CCSER1: variants seen among roughly 807,000 people sequenced by gnomAD.
CCSER1 encodes serine-rich coiled-coil domain-containing protein 1.
Under a neutral mutation model 82.0 loss-of-function variants are expected in CCSER1, and 41 were observed. The ratio of observed to expected loss-of-function variants is 0.50; its 90% confidence interval spans 0.39 to 0.65. The LOEUF (loss-of-function observed/expected upper bound fraction) is 0.65. CCSER1 is among the 30% of genes least tolerant of loss of function. The pLI is 0.00. For synonymous variants in CCSER1, 414 were observed against 383.9 expected (o/e 1.08, Z -0.92); for missense variants, 1,119 against 1,064.2 (o/e 1.05, Z -0.72).
chr4:90,771,917 A>G (rs1752239992), intron 7 of CCSER1, among the ~76,000 whole-genome samples: 1 of 152,160 alleles, frequency 6.6e-6, no homozygotes, highest in Non-Finnish European at 1.5e-5. Flanking sequence ...GCTAAAACAT[A>G]TAGCCAGTAT....
intron 5 of CCSER1, among the ~76,000 whole-genome samples, chr4:90,492,351 A>T (rs1349579638): frequency 6.6e-6 from 1 of 152,046 alleles, no homozygotes; most frequent in Non-Finnish European, 1.5e-5. Flanking sequence ...TATCTGTGGG[A>T]TTGGTGGTTA....
At chr4:91,087,248 G>A (rs1039211423) in intron 10 of CCSER1, among the ~76,000 whole-genome samples, 25 of 152,096 alleles carry the variant, frequency 1.6e-4, no homozygotes, top group African/African-American at 5.5e-4. Flanking sequence ...GGAGTTACTC[G>A]GCTTCTCCTT....
intron 5 of CCSER1, among the ~76,000 whole-genome samples, chr4:90,493,275 A>T (rs1768380782): frequency 6.6e-6 from 1 of 152,170 alleles, no homozygotes; most frequent in Non-Finnish European, 1.5e-5. Context: ...GAAAAGACCA[A>T]ATCTACATCT....
intron 4 of CCSER1, among the ~76,000 whole-genome samples, chr4:90,408,668 C>G (rs1265108063): frequency 6.6e-6 from 1 of 152,116 alleles, no homozygotes; most frequent in East Asian, 1.9e-4. Context: ...GTAGATAAAA[C>G]CACAAAGATA....
chr4:90,580,451 CTGCTGCTT>C (rs1781303867), intron 5 of CCSER1, among the ~76,000 whole-genome samples: 1 of 152,278 alleles, frequency 6.6e-6, no homozygotes, highest in African/African-American at 2.4e-5. Flanking sequence ...CTCAGCTACT[CTGCTGCTT>C]TGAACTCCCC....
At chr4:91,022,336 C>T (rs1404945849) in intron 9 of CCSER1, among the ~76,000 whole-genome samples, 1 of 152,020 alleles carries the variant, frequency 6.6e-6, no homozygotes, top group Non-Finnish European at 1.5e-5. Context: ...ATGAACTCAT[C>T]ATTTTTTATG....
At chr4:90,141,996 C>G (rs533368281) in intron 1 of CCSER1, among the ~76,000 whole-genome samples, 1 of 152,124 alleles carries the variant, frequency 6.6e-6, no homozygotes, top group Non-Finnish European at 1.5e-5. Context: ...TGGACTGTCA[C>G]GTTTTATTGA....
intron 1 of CCSER1, among the ~76,000 whole-genome samples, chr4:90,232,578 C>A (rs1178903715): frequency 1.4e-5 from 2 of 146,360 alleles, no homozygotes; most frequent in Admixed American, 6.8e-5. Context: ...GACTTCATGT[C>A]TAAAACACCA....
intron 10 of CCSER1, among the ~76,000 whole-genome samples, chr4:91,509,407 A>G (rs1375757641): frequency 1.3e-5 from 2 of 152,012 alleles, no homozygotes; most frequent in Admixed American, 6.6e-5. Context: ...TTCTCTTATT[A>G]CATTCTAATT....
intron 1 of CCSER1, among the ~76,000 whole-genome samples, chr4:90,288,236 C>T (rs1730262852): frequency 6.6e-6 from 1 of 151,896 alleles, no homozygotes; most frequent in Non-Finnish European, 1.5e-5. Flanking sequence ...AAGTTCCTGA[C>T]ACTTCATCTC....
At position 90,861,321 on chromosome 4, in the gene CCSER1, C is replaced by T. The variant is rs78572422; in HGVS notation, c.2094+45476C>T. Among the ~76,000 whole-genome samples the T allele has an allele frequency of 9.9e-3, 1,505 of 151,734 alleles. 29 individuals are homozygous for T. Among genetic ancestry groups the T allele is most frequent in the African/African-American group, 0.035 (1,439 of 41,472 alleles). On this transcript the variant is annotated intron_variant, in intron 8 of 10. Transcript: ENST00000509176. ...AGATGTAATGTGTATTTAAATTAGT[C>T]CCTGCAGGGTTTGTAGCTTATGATT... is the stretch of plus-strand genomic sequence containing the variant.
At chr4:90,538,668 G>A (rs535571880) in intron 5 of CCSER1, among the ~76,000 whole-genome samples, 1 of 151,814 alleles carries the variant, frequency 6.6e-6, no homozygotes, top group East Asian at 1.9e-4. Context: ...TAATATTCTA[G>A]CATGTTTATA....
At chr4:90,375,442 TG>T (rs1748152488) in intron 3 of CCSER1, among the ~76,000 whole-genome samples, 2 of 152,228 alleles carry the variant, frequency 1.3e-5, no homozygotes, top group East Asian at 3.9e-4. Context: ...CTGCAGAACC[TG>T]GAGAGAGAAC....
intron 1 of CCSER1, among the ~76,000 whole-genome samples, chr4:90,280,233 A>C (rs944436444): frequency 2.0e-5 from 3 of 152,164 alleles, no homozygotes; most frequent in Non-Finnish European, 4.4e-5. Context: ...ACAGTATTCC[A>C]AATCTGGTAG....
At chr4:90,861,777 G>A (rs997127501) in intron 8 of CCSER1, among the ~76,000 whole-genome samples, 3 of 151,442 alleles carry the variant, frequency 2.0e-5, no homozygotes, top group African/African-American at 4.8e-5. Flanking sequence ...CAAAATCTGT[G>A]AGATAGGGCA....
chr4:90,828,302 A>G (rs1376845567), intron 8 of CCSER1, among the ~76,000 whole-genome samples: 2 of 151,330 alleles, frequency 1.3e-5, no homozygotes, highest in Non-Finnish European at 3.0e-5. Context: ...CTTAAAATGT[A>G]TCTTTATATT....
At chr4:90,141,245 AC>A in intron 1 of CCSER1, among the ~76,000 whole-genome samples, 1 of 152,270 alleles carries the variant, frequency 6.6e-6, no homozygotes, top group African/African-American at 2.4e-5. Flanking sequence ...ATTAGATGAG[AC>A]CCACCCCACA....
At chr4:91,083,258 A>G (rs4287974) in intron 9 of CCSER1, among the ~76,000 whole-genome samples, 78,747 of 151,874 alleles carry the variant, frequency 0.52, 20,643 homozygotes, top group East Asian at 0.68. Context: ...CATGTCCTTT[A>G]TAGGGACATG....
At chr4:91,406,599 C>A (rs555236616) in intron 10 of CCSER1, among the ~76,000 whole-genome samples, 14 of 152,070 alleles carry the variant, frequency 9.2e-5, no homozygotes, top group Non-Finnish European at 1.9e-4. Flanking sequence ...TGCTAGTTAT[C>A]GCATGTTATG....
Sources: gnomAD v4.1 joint callset for allele counts (sites outside exome capture counted in the v4.1 genomes callset) on GRCh38, gnomAD v4.1.1 for gene constraint, MANE v1.5 for transcripts, NCBI Gene and HGNC (gene_info 2026-07-23, HGNC 2026-07-21) for gene names.